The following USP6NL variants were observed in gnomAD, a reference collection of about 807,000 sequenced individuals.
USP6NL encodes USP6 N-terminal-like protein.
A neutral mutation model predicts 61.9 loss-of-function variants in USP6NL; 26 were observed. The ratio of observed to expected loss-of-function variants is 0.42; its 90% CI spans 0.31 to 0.58. The LOEUF (loss-of-function observed/expected upper bound fraction) is 0.58. USP6NL is among the 20% of genes least tolerant of loss of function. The probability of loss-of-function intolerance (pLI) is 0.16; values close to 1 mark genes in which losing one functional copy is unlikely to be tolerated. For missense variants in USP6NL, 1,114 were observed against 1,034.3 expected (o/e 1.08, Z -1.06); for synonymous variants, 432 against 390.1 (o/e 1.11, Z -1.27).
At chr10:11,466,963 T>C (rs2133158398) in intron 14 of USP6NL, among the ~76,000 whole-genome samples, 1 of 152,362 alleles carries the variant, frequency 6.6e-6, no homozygotes, top group South Asian at 2.1e-4. Flanking sequence ...AAGGAGCTCA[T>C]GAGGGTAGCT....
At position 11,531,036 on chromosome 10, in the gene USP6NL, C is replaced by T. The variant is rs1027046838; in HGVS notation, c.5-3469G>A. Among the ~76,000 whole-genome samples, 11 of 152,192 alleles carry T rather than the reference C, an allele frequency of 7.2e-5. 1 individual carries two copies. Among genetic ancestry groups the T allele is most frequent in the Non-Finnish European group, 1.0e-4 (7 of 68,038 alleles). On this transcript the variant is annotated intron_variant, in intron 2 of 14. Transcript: ENST00000609104. ...CAAAGTTCCAGGCACCTATAAACAA[C>T]GGCAGCTGTGTTGGTTGGTACTTAT...
chr10:11,603,915 A>G (rs1480652163), intron 1 of USP6NL, among the ~76,000 whole-genome samples: 1 of 152,234 alleles, frequency 6.6e-6, no homozygotes, highest in Non-Finnish European at 1.5e-5. Flanking sequence ...GGATGTCAAT[A>G]AAACTGGAAT....
rs1233360962 is a variant in USP6NL, at chr10:11,548,445, G to C, written c.5-20878C>G. Among the ~76,000 whole-genome samples, 2 of 152,016 alleles carry C rather than the reference G, an allele frequency of 1.3e-5. No homozygotes were observed. The highest frequency in any genetic ancestry group is 2.9e-5 in the Non-Finnish European group (2 of 68,004). The stretch of plus-strand genomic sequence containing the variant: ...TAGAAGCTTTCTCAATCTCAATACA[G>C]AGCTTGACATTTTATTATTTTTAAT... On this transcript the variant is annotated intron_variant, in intron 2 of 14. Transcript: ENST00000609104. This position sits in a 1 kb window ranked among gnomAD's most constrained non-coding sequence, Gnocchi z 4.3.
Position 11,562,135 on chromosome 10 carries a change from C to T in USP6NL, c.5-34568G>A, listed in dbSNP as rs1836958954. Among the ~76,000 whole-genome samples the T allele has an allele frequency of 6.6e-6, 1 of 152,054 alleles. No homozygotes were observed. The highest frequency in any genetic ancestry group is 2.4e-5 in the African/African-American group (1 of 41,404). ...CTCTACTAAAAATACAAAAAATTAG[C>T]TGGATGTGGTGGCTGGCGCCTGTAA... On this transcript the variant is annotated intron_variant, in intron 2 of 14. Coordinates refer to ENST00000609104, the MANE Select transcript of USP6NL (RefSeq NM_014688.5). The surrounding 1 kb of genome is among the most constrained non-coding windows in gnomAD (Gnocchi z 4.8).
At chr10:11,505,579 C>T (rs1002042939) in intron 6 of USP6NL, among the ~76,000 whole-genome samples, 2 of 152,040 alleles carry the variant, frequency 1.3e-5, no homozygotes, top group South Asian at 4.1e-4. Flanking sequence ...AAAAGTATCA[C>T]CTTTAAGATT....
At chr10:11,556,482 A>C (rs1038666306) in intron 2 of USP6NL, among the ~76,000 whole-genome samples, 2 of 152,214 alleles carry the variant, frequency 1.3e-5, no homozygotes, top group African/African-American at 2.4e-5. Flanking sequence ...GACAAAGGCA[A>C]TCAGATTAAA....
chr10:11,486,106 G>T, intron 10 of USP6NL, among the ~76,000 whole-genome samples, 195 bp from the exon 11 acceptor site: 1 of 147,006 alleles, frequency 6.8e-6, no homozygotes, highest in African/African-American at 2.5e-5. Flanking sequence ...CCTAGGATTT[G>T]TTTGCTAAAG....
chr10:11,604,596 G>C (rs955209926), intron 1 of USP6NL, among the ~76,000 whole-genome samples: 1 of 152,126 alleles, frequency 6.6e-6, no homozygotes, highest in Non-Finnish European at 1.5e-5. Context: ...AAGCAAGTCT[G>C]GTGAATGAGC....
chr10:11,479,385 A>G (rs1833096946), intron 14 of USP6NL, among the ~76,000 whole-genome samples: 1 of 152,200 alleles, frequency 6.6e-6, no homozygotes, highest in South Asian at 2.1e-4. Flanking sequence ...AAGATACTCA[A>G]AGAACTACCA....
rs1835496282 is a variant in USP6NL at position 11,528,139 on chromosome 10, A to G, written c.5-572T>C. On this transcript the variant is annotated intron_variant, in intron 2 of 14. Coordinates refer to ENST00000609104, the MANE Select transcript of USP6NL (RefSeq NM_014688.5). The surrounding 1 kb of genome is among the most constrained non-coding windows in gnomAD (Gnocchi z 4.6). ...TGGACACACACACAGACACACACAC[A>G]CACACACACACACACACACACCCTT... is the stretch of plus-strand genomic sequence containing the variant. Among the ~76,000 whole-genome samples the G allele has an allele frequency of 6.6e-6, 1 of 151,742 alleles. No homozygotes were observed.
At chr10:11,557,703 G>C (rs1836767300) in intron 2 of USP6NL, among the ~76,000 whole-genome samples, 1 of 152,198 alleles carries the variant, frequency 6.6e-6, no homozygotes. Context: ...GTGCATGAGA[G>C]CACAGAGACT....
chr10:11,581,355 C>T (rs1383877553), intron 2 of USP6NL, among the ~76,000 whole-genome samples: 1 of 152,210 alleles, frequency 6.6e-6, no homozygotes. Context: ...ATCAACATCA[C>T]TTTTATGCAA....
intron 2 of USP6NL, among the ~76,000 whole-genome samples, chr10:11,546,425 G>A (rs1417458800): frequency 2.6e-5 from 4 of 151,880 alleles, no homozygotes; most frequent in Non-Finnish European, 4.4e-5. Flanking sequence ...TTTTTCAGAC[G>A]GAGTCTTGAT....
intron 2 of USP6NL, among the ~76,000 whole-genome samples, chr10:11,541,969 C>T (rs996496146): frequency 2.0e-5 from 3 of 152,086 alleles, no homozygotes; most frequent in African/African-American, 4.8e-5. Context: ...CCTCGGTATT[C>T]TTATAAGGTT....
rs1833632899 is a variant in USP6NL, at chr10:11,489,784, A to T, written c.544-562T>A. Among the ~76,000 whole-genome samples the T allele has an allele frequency of 6.6e-6, 1 of 152,218 alleles. No homozygotes were observed. The highest frequency in any genetic ancestry group is 1.5e-5 in the Non-Finnish European group (1 of 68,038). On this transcript the variant is annotated intron_variant, in intron 9 of 14. Coordinates refer to ENST00000609104, the MANE Select transcript of USP6NL (RefSeq NM_014688.5). This position sits in a 1 kb window ranked among gnomAD's most constrained non-coding sequence, Gnocchi z 5.7. ...AGAAGAGGACAGCTGACCCCAGGGG[A>T]ACAGTTATTTGGTTGCACTGACTCA...
chr10:11,532,074 C>A lies in USP6NL; in HGVS notation c.5-4507G>T. 1.2e-6 allele frequency: 1 copy of A among 828,306 alleles called. No individual in the cohort carries two copies. The highest frequency in any genetic ancestry group is 1.9e-5 in the South Asian group (1 of 52,770). The allele number at this position is 828,306 out of a possible 1,614,324, so 51.3% of individuals were successfully genotyped here. ...AAATTCATACAAAGTTACTAAGGTT[C>A]ATTTCCAATAAAATAAAATTTACAG... On this transcript the variant is annotated intron_variant, in intron 2 of 14. Transcript: ENST00000609104. This position sits in a 1 kb window ranked among gnomAD's most constrained non-coding sequence, Gnocchi z 4.1.
intron 2 of USP6NL, among the ~76,000 whole-genome samples, chr10:11,556,162 G>A (rs1460885422): frequency 6.6e-6 from 1 of 152,090 alleles, no homozygotes; most frequent in Non-Finnish European, 1.5e-5. Flanking sequence ...AAGGCAGACA[G>A]GGCATAAATG....
chr10:11,501,910 C>CAATAAATCTTCATCAA (rs1834213452), intron 6 of USP6NL, among the ~76,000 whole-genome samples: 1 of 152,078 alleles, frequency 6.6e-6, no homozygotes, highest in Non-Finnish European at 1.5e-5. Context: ...ACAAAAACAA[C>CAATAAATCTTCATCAA]GATAAATCTT....
At chr10:11,578,673 A>G (rs975323816) in intron 2 of USP6NL, among the ~76,000 whole-genome samples, 4 of 152,246 alleles carry the variant, frequency 2.6e-5, no homozygotes, top group African/African-American at 9.6e-5. Flanking sequence ...GACACCCTTC[A>G]TCAGGTTAGG....
Sources: allele counts gnomAD v4.1 joint callset (sites outside exome capture counted in the v4.1 genomes callset), GRCh38; gene constraint gnomAD v4.1.1; non-coding constraint Gnocchi (gnomAD v3.1); transcripts MANE v1.5; gene names NCBI Gene and HGNC (gene_info 2026-07-23, HGNC 2026-07-21).